Variants in NPAS3 observed in about 807,000 individuals in gnomAD.
NPAS3 encodes neuronal PAS domain protein 3, also known as neuronal PAS domain-containing protein 3.
In NPAS3, 14 loss-of-function variants were observed where a neutral mutation model predicts 73.1. The ratio of observed to expected loss-of-function variants is 0.19; its 90% CI spans 0.13 to 0.30. The LOEUF (loss-of-function observed/expected upper bound fraction) is 0.30. Among genes scored for constraint, NPAS3 ranks in the 10% least tolerant of loss-of-function variants. The pLI is 1.00. For missense variants in NPAS3, 1,096 were observed against 1,250.0 expected (o/e 0.88, Z 1.86); for synonymous variants, 620 against 541.5 (o/e 1.14, Z -2.01).
chr14:33,513,777 T>A (rs2053171060), intron 4 of NPAS3, among the ~76,000 whole-genome samples: 1 of 152,038 alleles, frequency 6.6e-6, no homozygotes, highest in Non-Finnish European at 1.5e-5. Context: ...GCTGCAGAGT[T>A]TTTTTGACAA....
rs181078271 is a variant in NPAS3, at chr14:33,610,650, A to G, written c.558+50440A>G. Among the ~76,000 whole-genome samples, 580 of 152,336 alleles carry G rather than the reference A, an allele frequency of 3.8e-3. 6 individuals carry two copies. The highest frequency in any genetic ancestry group is 0.013 in the African/African-American group (546 of 41,580). ...CCATGAAATAAGGATCAAAATAGCA[A>G]TGTAGCTTCAAAGAAATTTTATTTC... On this transcript the variant is annotated intron_variant, in intron 5 of 11. Coordinates refer to ENST00000356141, the Ensembl canonical transcript of NPAS3.
chr14:33,404,657 G>T (rs1254375196), intron 4 of NPAS3, among the ~76,000 whole-genome samples: 11 of 151,828 alleles, frequency 7.2e-5, no homozygotes, highest in Admixed American at 7.2e-4. Context: ...TGGCTATCAG[G>T]TCCTTGAATA....
At chr14:33,471,776 G>A (rs1370094791) in intron 4 of NPAS3, among the ~76,000 whole-genome samples, 2 of 152,194 alleles carry the variant, frequency 1.3e-5, no homozygotes, top group East Asian at 1.9e-4. Context: ...CCCGGTACTG[G>A]TCCGTGACCC....
intron 1 of NPAS3, among the ~76,000 whole-genome samples, chr14:33,028,419 G>C (rs1295468163): frequency 1.3e-5 from 2 of 151,984 alleles, no homozygotes; most frequent in African/African-American, 4.8e-5. Context: ...AACAATAGTG[G>C]GAATGATAAA....
chr14:33,071,661 A>C (rs1810083105), intron 2 of NPAS3, among the ~76,000 whole-genome samples: 2 of 152,194 alleles, frequency 1.3e-5, no homozygotes, highest in Non-Finnish European at 2.9e-5. Flanking sequence ...TACGAACCAC[A>C]AAAGTGACAA....
intron 4 of NPAS3, among the ~76,000 whole-genome samples, chr14:33,549,873 C>A (rs1791396945): frequency 6.6e-6 from 1 of 152,050 alleles, no homozygotes; most frequent in African/African-American, 2.4e-5. Context: ...AATGAATGGC[C>A]AATCCCTCTT....
intron 4 of NPAS3, among the ~76,000 whole-genome samples, chr14:33,396,681 G>A (rs975525329): frequency 2.0e-5 from 3 of 152,050 alleles, no homozygotes; most frequent in Non-Finnish European, 2.9e-5. Context: ...GCACATTTTA[G>A]CCAATTTCCT....
chr14:33,615,381 C>A (rs1218160006), intron 5 of NPAS3, among the ~76,000 whole-genome samples: 1 of 152,024 alleles, frequency 6.6e-6, no homozygotes, highest in African/African-American at 2.4e-5. Flanking sequence ...GTGACAGCAG[C>A]GACTGCAGAG....
At chr14:33,013,063 C>T (rs908620016) in intron 1 of NPAS3, among the ~76,000 whole-genome samples, 1 of 152,070 alleles carries the variant, frequency 6.6e-6, no homozygotes. Flanking sequence ...TCCACTGGAC[C>T]TTTGTCTGCT....
intron 6 of NPAS3, among the ~76,000 whole-genome samples, chr14:33,712,963 C>A (rs748352265): frequency 6.6e-6 from 1 of 152,132 alleles, no homozygotes; most frequent in Non-Finnish European, 1.5e-5. Flanking sequence ...ACAGGAGGCA[C>A]TTTCTCTATG....
intron 3 of NPAS3, among the ~76,000 whole-genome samples, chr14:33,327,571 G>A (rs8011225): frequency 0.36 from 55,098 of 152,048 alleles, 10,664 homozygotes; most frequent in African/African-American, 0.51. Context: ...ATTACATTAT[G>A]GTTCTGTAAA....
At chr14:33,714,072 G>T (rs961571457) in intron 6 of NPAS3, among the ~76,000 whole-genome samples, 1 of 151,888 alleles carries the variant, frequency 6.6e-6, no homozygotes, top group African/African-American at 2.4e-5. Flanking sequence ...CTCTGGCCAC[G>T]TTATTTAAAA....
chr14:33,712,293 C>A (rs1000127246), intron 6 of NPAS3, among the ~76,000 whole-genome samples: 7 of 152,160 alleles, frequency 4.6e-5, no homozygotes, highest in African/African-American at 1.7e-4. Context: ...ACCAAATGAC[C>A]AAGAAGCCAA....
Position 32,973,649 on chromosome 14 carries a change from C to A in NPAS3, c.50+34283C>A, listed in dbSNP as rs770803221. 3.3e-5 allele frequency among the ~76,000 whole-genome samples: 5 copies of A among 151,830 alleles called. No individual in the cohort carries two copies. In the Middle Eastern group the frequency reaches 0.014, roughly 413 times the overall value. ...TTCCCGAGTTCAAACAGTTCTCCAG[C>A]CTCAGCCTCCTGAGTAGCTGGGATT... On this transcript the variant is annotated intron_variant, in intron 1 of 11. Transcript: ENST00000356141.
intron 5 of NPAS3, among the ~76,000 whole-genome samples, chr14:33,654,332 A>C (rs925833772): frequency 6.6e-6 from 1 of 152,200 alleles, no homozygotes; most frequent in Non-Finnish European, 1.5e-5. Flanking sequence ...GGATAATAGG[A>C]AGCCATTGCA....
chr14:32,938,487 G>GACAGAGAGAGAGAT (rs879882218), upstream of NPAS3, among the ~76,000 whole-genome samples: 1 of 14,978 alleles, frequency 6.7e-5, no homozygotes, highest in South Asian at 2.6e-3. Flanking sequence ...GAGAGAAATT[G>GACAGAGAGAGAGAT]AGAGAGAGAG....
intron 4 of NPAS3, among the ~76,000 whole-genome samples, chr14:33,530,941 G>T (rs985613205): frequency 6.6e-6 from 1 of 152,018 alleles, no homozygotes; most frequent in Non-Finnish European, 1.5e-5. Flanking sequence ...TGGTTTCCTC[G>T]CAGGATGCTC....
chr14:33,057,055 C>T (rs1368960759), intron 2 of NPAS3, among the ~76,000 whole-genome samples: 1 of 136,486 alleles, frequency 7.3e-6, no homozygotes, highest in Non-Finnish European at 1.5e-5. Flanking sequence ...CACTTTCTTT[C>T]ATGGTTTCCA....
intron 3 of NPAS3, among the ~76,000 whole-genome samples, chr14:33,348,802 C>T (rs75623622): frequency 1.5e-3 from 230 of 152,224 alleles, no homozygotes; most frequent in South Asian, 3.5e-3. Context: ...CGTTTATTTA[C>T]TTGTCATTAG....
Sources: allele counts gnomAD v4.1 joint callset (sites outside exome capture counted in the v4.1 genomes callset), GRCh38; gene constraint gnomAD v4.1.1; transcripts MANE v1.5; gene names NCBI Gene and HGNC (gene_info 2026-07-23, HGNC 2026-07-21).